The following TAFA2 variants were observed in gnomAD, a reference collection of about 807,000 sequenced individuals.
TAFA2 encodes chemokine-like protein TAFA-2.
TAFA2 carries 7 observed loss-of-function variants against 18.8 expected under a neutral mutation model. The observed-to-expected ratio is 0.37, with a 90% CI of 0.21 to 0.70. TAFA2 has a LOEUF of 0.70. Among genes scored for constraint, TAFA2 ranks in the 30% least tolerant of loss-of-function variants. TAFA2 has a pLI of 0.53. For synonymous variants in TAFA2, 60 were observed against 54.2 expected, an observed-to-expected ratio of 1.11 and a Z score of -0.47; for missense variants, 122 against 158.1, an observed-to-expected ratio of 0.77 and a Z score of 1.23.
intron 1 of TAFA2, among the ~76,000 whole-genome samples, chr12:62,091,298 G>T (rs1208062341): frequency 3.3e-5 from 5 of 151,834 alleles, no homozygotes; most frequent in African/African-American, 9.7e-5. Context: ...TGGAATTGAT[G>T]ATGTTAAATA....
chr12:62,218,530 C>G (rs1294261737), intron 1 of TAFA2, among the ~76,000 whole-genome samples: 1 of 152,124 alleles, frequency 6.6e-6, no homozygotes, highest in Non-Finnish European at 1.5e-5. Context: ...CTAACCCAAC[C>G]CGTACTGTGT....
At chr12:62,106,826 A>C (rs931140973) in intron 1 of TAFA2, among the ~76,000 whole-genome samples, 16 of 152,294 alleles carry the variant, frequency 1.1e-4, no homozygotes, top group African/African-American at 3.6e-4. Flanking sequence ...CAATTGAAAG[A>C]CTTGTAAAAG....
intron 4 of TAFA2, among the ~76,000 whole-genome samples, chr12:61,728,595 CT>C (rs1322048290): frequency 2.0e-5 from 3 of 151,894 alleles, no homozygotes; most frequent in African/African-American, 7.3e-5. Context: ...TTTTCCACCC[CT>C]TTGCCTTAAG....
intron 1 of TAFA2, among the ~76,000 whole-genome samples, chr12:62,090,792 A>C (rs1267554021): frequency 6.6e-6 from 1 of 152,092 alleles, no homozygotes; most frequent in African/African-American, 2.4e-5. Context: ...AATGAACAAA[A>C]GTATCTCTCT....
chr12:61,956,089 C>A (rs1878687076), intron 1 of TAFA2, among the ~76,000 whole-genome samples: 1 of 151,994 alleles, frequency 6.6e-6, no homozygotes, highest in African/African-American at 2.4e-5. Flanking sequence ...TGCATACTAG[C>A]TAGATTTTTT....
At chr12:61,961,224 G>C (rs1260247578) in intron 1 of TAFA2, among the ~76,000 whole-genome samples, 1 of 132,004 alleles carries the variant, frequency 7.6e-6, no homozygotes, top group Non-Finnish European at 1.8e-5. Flanking sequence ...AGAACACAAG[G>C]GGGGAAATCC....
At chr12:61,860,811 A>G (rs746227177) in intron 2 of TAFA2, among the ~76,000 whole-genome samples, 9 of 152,210 alleles carry the variant, frequency 5.9e-5, no homozygotes, top group Non-Finnish European at 1.2e-4. Flanking sequence ...TACAGTTTAT[A>G]TACTCTTAAC....
intron 1 of TAFA2, among the ~76,000 whole-genome samples, chr12:62,153,628 C>T (rs547756426): frequency 6.6e-6 from 1 of 152,184 alleles, no homozygotes; most frequent in Admixed American, 6.5e-5. Flanking sequence ...TATGATTGAA[C>T]CCCTGCACTC....
chr12:62,148,003 C>A (rs1410289642), intron 1 of TAFA2, among the ~76,000 whole-genome samples: 1 of 151,920 alleles, frequency 6.6e-6, no homozygotes, highest in African/African-American at 2.4e-5. Flanking sequence ...CAAATCAAGA[C>A]CACAATAAGA....
intron 1 of TAFA2, among the ~76,000 whole-genome samples, chr12:62,003,042 T>A (rs1055416237): frequency 2.6e-5 from 4 of 152,120 alleles, no homozygotes; most frequent in African/African-American, 9.7e-5. Flanking sequence ...CTTGCATACA[T>A]CCTTTACTCC....
chr12:62,050,787 C>T (rs2136773882), intron 1 of TAFA2, among the ~76,000 whole-genome samples: 1 of 152,258 alleles, frequency 6.6e-6, no homozygotes, highest in Middle Eastern at 3.4e-3. Flanking sequence ...GCTCTGTGTA[C>T]AGTGATGTCA....
chr12:62,029,811 A>ATCTC (rs71450570), intron 1 of TAFA2, among the ~76,000 whole-genome samples: 18,219 of 145,808 alleles, frequency 0.12, 1,106 homozygotes, highest in Middle Eastern at 0.16. Context: ...ATGTCTTCCT[A>ATCTC]TCTCTCTCTC....
intron 2 of TAFA2, among the ~76,000 whole-genome samples, chr12:61,834,127 A>C (rs1331456911): frequency 2.0e-5 from 3 of 152,040 alleles, no homozygotes; most frequent in African/African-American, 4.8e-5. Flanking sequence ...ACTTATCTAA[A>C]TGCTTTTATA....
intron 2 of TAFA2, among the ~76,000 whole-genome samples, chr12:61,856,735 A>G (rs1873901129): frequency 6.6e-6 from 1 of 151,928 alleles, no homozygotes; most frequent in African/African-American, 2.4e-5. Flanking sequence ...ACATTTTAGA[A>G]TTTGAGTCAT....
chr12:62,071,058 G>T (rs530470417), intron 1 of TAFA2, among the ~76,000 whole-genome samples: 1 of 152,150 alleles, frequency 6.6e-6, no homozygotes, highest in Non-Finnish European at 1.5e-5. Context: ...AACAAATAAC[G>T]TATTAAACCT....
intron 1 of TAFA2, among the ~76,000 whole-genome samples, chr12:62,185,083 A>G (rs1331923597): frequency 1.3e-5 from 2 of 152,144 alleles, no homozygotes; most frequent in African/African-American, 2.4e-5. Flanking sequence ...ATAAATTCTG[A>G]CCCAATTCTG....
At chr12:61,855,940 A>AT (rs1873864824) in intron 2 of TAFA2, among the ~76,000 whole-genome samples, 1 of 152,066 alleles carries the variant, frequency 6.6e-6, no homozygotes, top group South Asian at 2.1e-4. Context: ...TAAAAGTAAG[A>AT]TTTTATTAGA....
intron 2 of TAFA2, among the ~76,000 whole-genome samples, chr12:61,755,235 CA>C (rs1483509960): frequency 6.6e-6 from 1 of 152,060 alleles, no homozygotes; most frequent in Non-Finnish European, 1.5e-5. Context: ...CTTGGTAAAG[CA>C]GGAACAATTA....
intron 2 of TAFA2, among the ~76,000 whole-genome samples, chr12:61,783,161 C>G (rs1870579070): frequency 6.6e-6 from 1 of 151,404 alleles, no homozygotes; most frequent in African/African-American, 2.4e-5. Flanking sequence ...GATGGACAGC[C>G]CCAGGCAAGA....
Sources: allele counts gnomAD v4.1 joint callset (sites outside exome capture counted in the v4.1 genomes callset), GRCh38; gene constraint gnomAD v4.1.1; transcripts MANE v1.5; gene names NCBI Gene and HGNC (gene_info 2026-07-23, HGNC 2026-07-21).